Variants in CRB1 observed in about 807,000 individuals in gnomAD.
CRB1 encodes protein crumbs homolog 1.
CRB1 carries 83 observed loss-of-function variants against 120.0 expected under a neutral mutation model. The observed-to-expected ratio is 0.69, with a 90% CI of 0.58 to 0.83. The LOEUF is 0.83. Ranked by LOEUF, CRB1 falls within the 40% of genes least tolerant of loss-of-function variation. CRB1 has a pLI of 0.00. For missense variants in CRB1, 1,699 were observed against 1,687.6 expected (o/e 1.01, Z -0.12); for synonymous variants, 625 against 612.5 (o/e 1.02, Z -0.30).
intron 1 of CRB1, among the ~76,000 whole-genome samples, chr1:197,315,152 G>A (rs893641267): frequency 1.8e-4 from 28 of 152,150 alleles, no homozygotes; most frequent in African/African-American, 5.8e-4. Context: ...TGCACTAACA[G>A]TGCTCAGTTC....
rs540938045 is a variant in CRB1 at position 197,348,481 on chromosome 1, T to C, written c.988+1002T>C. The stretch of plus-strand genomic sequence containing the variant: ...AGAAATTATTTATTGTTTATTTATT[T>C]ATTTTTATTTTTTGAAACGGAGTCT... On this transcript the variant is annotated intron_variant, in intron 4 of 11. Coordinates refer to ENST00000367400, the MANE Select transcript of CRB1 (RefSeq NM_201253.3). Among the ~76,000 whole-genome samples the C allele has an allele frequency of 4.6e-5, 7 of 152,310 alleles. No homozygotes were observed. In the South Asian group the frequency reaches 1.0e-3, roughly 23 times the overall value.
chr1:197,292,603 CA>C (rs954901516), intron 1 of CRB1, among the ~76,000 whole-genome samples: 2 of 151,412 alleles, frequency 1.3e-5, no homozygotes, highest in African/African-American at 2.4e-5. Context: ...ACAGACACAA[CA>C]AAAAAAAGAG....
At chr1:197,287,974 C>CA (rs1246932565) in intron 1 of CRB1, among the ~76,000 whole-genome samples, 1 of 151,730 alleles carries the variant, frequency 6.6e-6, no homozygotes, top group African/African-American at 2.4e-5. Context: ...AAATGGAAAA[C>CA]AAACAAGGTG....
intron 1 of CRB1, among the ~76,000 whole-genome samples, chr1:197,284,338 A>G (rs1328408680): frequency 6.6e-6 from 1 of 151,910 alleles, no homozygotes; most frequent in African/African-American, 2.4e-5. Flanking sequence ...GTGTGGCCAC[A>G]AGGAATAAAG....
intron 1 of CRB1, among the ~76,000 whole-genome samples, chr1:197,281,556 G>T (rs1655522401): frequency 6.6e-6 from 1 of 151,784 alleles, no homozygotes; most frequent in Non-Finnish European, 1.5e-5. Flanking sequence ...GGCATGCTCA[G>T]ACTTGGCCAG....
At chr1:197,289,613 C>T (rs1656045886) in intron 1 of CRB1, among the ~76,000 whole-genome samples, 2 of 151,822 alleles carry the variant, frequency 1.3e-5, no homozygotes, top group South Asian at 4.1e-4. Flanking sequence ...GCCATTCTCT[C>T]TGTTCTGTCT....
chr1:197,243,176 T>C, the CRB1 span, among the ~76,000 whole-genome samples: 1 of 152,194 alleles, frequency 6.6e-6, no homozygotes, highest in Admixed American at 6.5e-5. Context: ...CTCTATCACC[T>C]TCAGTTCTGC....
the CRB1 span, among the ~76,000 whole-genome samples, chr1:197,227,578 A>G: frequency 2.6e-5 from 4 of 152,046 alleles, no homozygotes; most frequent in African/African-American, 4.8e-5. Flanking sequence ...GTGGTTTTGC[A>G]GGGTATAGCC....
At chr1:197,293,093 A>T (rs1164614823) in intron 1 of CRB1, among the ~76,000 whole-genome samples, 1 of 152,164 alleles carries the variant, frequency 6.6e-6, no homozygotes, top group Non-Finnish European at 1.5e-5. Context: ...AATAAATGGT[A>T]TTCGATCAGG....
At chr1:197,358,351 G>A (rs1660594334) in intron 5 of CRB1, among the ~76,000 whole-genome samples, 1 of 152,152 alleles carries the variant, frequency 6.6e-6, no homozygotes, top group Non-Finnish European at 1.5e-5. Flanking sequence ...GGTCATAAAG[G>A]GGTGATTCTG....
intron 1 of CRB1, among the ~76,000 whole-genome samples, chr1:197,312,484 A>C (rs1657591252): frequency 6.6e-6 from 1 of 152,242 alleles, no homozygotes. Context: ...CAGGAGGCTG[A>C]GGCAGGAGAA....
At chr1:197,261,325 C>A in the CRB1 span, among the ~76,000 whole-genome samples, 1 of 152,140 alleles carries the variant, frequency 6.6e-6, no homozygotes, top group East Asian at 1.9e-4. Flanking sequence ...TTTTATTAAT[C>A]ATTGTTTGCA....
intron 5 of CRB1, among the ~76,000 whole-genome samples, chr1:197,403,931 A>G (rs988108892): frequency 3.9e-5 from 6 of 152,160 alleles, no homozygotes; most frequent in African/African-American, 1.4e-4. Flanking sequence ...TCCACCTCAG[A>G]TACATAGTAG....
chr1:197,442,462 T>G (rs1413504791), intron 11 of CRB1, 170 bp downstream of exon 11: 3 of 1,537,310 alleles, frequency 2.0e-6, no homozygotes, highest in Non-Finnish European at 2.6e-6. Flanking sequence ...GCCATTGAAT[T>G]TCAAGAAATG....
intron 5 of CRB1, among the ~76,000 whole-genome samples, chr1:197,404,690 A>G (rs896434365): frequency 2.0e-5 from 3 of 152,198 alleles, no homozygotes; most frequent in African/African-American, 7.2e-5. Flanking sequence ...TAACTGTTAA[A>G]TAGATGATGC....
Position 197,478,132 on chromosome 1 carries a change from T to G in CRB1, c.*253T>G, listed in dbSNP as rs377147123. The stretch of plus-strand genomic sequence containing the variant: ...CAGCCTTATAATTAGCAAAAACATC[T>G]TCCAGAGAATAAAGTCTTCTGTGGC... On this transcript the variant is annotated 3_prime_UTR_variant, in exon 12 of 12. Transcript: ENST00000367400. 4 of 501,682 alleles carry G rather than the reference T, an allele frequency of 8.0e-6. No individual in the cohort carries two copies. Among genetic ancestry groups the G allele is most frequent in the African/African-American group, 3.9e-5 (2 of 51,690 alleles). The allele number at this position is 501,682 out of a possible 1,614,324, so 31.1% of individuals were successfully genotyped here. A position where few individuals can be genotyped will look rare whatever the true frequency, so the allele number is the denominator to read the frequency against.
the CRB1 span, among the ~76,000 whole-genome samples, chr1:197,255,861 C>T: frequency 1.3e-4 from 19 of 150,416 alleles, no homozygotes; most frequent in African/African-American, 3.9e-4. Flanking sequence ...TCTTAACTTT[C>T]TATAGGATAG....
intron 1 of CRB1, among the ~76,000 whole-genome samples, chr1:197,303,714 C>T (rs1657010855): frequency 6.6e-6 from 1 of 152,112 alleles, no homozygotes; most frequent in Non-Finnish European, 1.5e-5. Flanking sequence ...TTGAATCAAT[C>T]TAAATAAGCC....
rs554014101 is a variant in CRB1 at position 197,309,195 on chromosome 1, A to G, written c.71-19227A>G. Among the ~76,000 whole-genome samples, 38 of 152,188 alleles carry G rather than the reference A, an allele frequency of 2.5e-4. No homozygotes were observed. In the South Asian group the frequency reaches 7.9e-3, roughly 32 times the overall value. ...ATAATTCACAATTGCACAAGAGATGAACAGGCCAGATTGTTCTATTCCTAT... is the reference window on the plus strand; with the variant it reads ...ATAATTCACAATTGCACAAGAGATGGACAGGCCAGATTGTTCTATTCCTAT... On this transcript the variant is annotated intron_variant, in intron 1 of 11. Coordinates refer to ENST00000367400, the MANE Select transcript of CRB1 (RefSeq NM_201253.3).
Sources: gnomAD v4.1 joint callset for allele counts (sites outside exome capture counted in the v4.1 genomes callset) on GRCh38, gnomAD v4.1.1 for gene constraint, MANE v1.5 for transcripts, NCBI Gene and HGNC (gene_info 2026-07-23, HGNC 2026-07-21) for gene names.